TMPRSS11D: variants seen among roughly 807,000 people sequenced by gnomAD.
TMPRSS11D encodes the protein transmembrane serine protease 11D.
A neutral mutation model predicts 44.4 loss-of-function variants in TMPRSS11D; 32 were observed. The ratio of observed to expected loss-of-function variants is 0.72; its 90% CI spans 0.54 to 0.97. The LOEUF is 0.97. Among genes scored for constraint, TMPRSS11D ranks in the 50% least tolerant of loss-of-function variants. TMPRSS11D has a pLI of 0.00. For synonymous variants in TMPRSS11D, 179 were observed against 177.9 expected (o/e 1.01, Z -0.05); for missense variants, 446 against 502.6 (o/e 0.89, Z 1.08).
chr4:67,851,563 C>G lies in TMPRSS11D; in HGVS notation c.249+2505G>C, dbSNP rs571857935. On this transcript the variant is annotated intron_variant, in intron 3 of 9. Transcript: ENST00000283916. The stretch of plus-strand genomic sequence containing the variant: ...GAAGCAGCGTGTCTGGGGAGCATGG[C>G]TGAGGAGCAGTTCGTTAGGGATTGT... Among the ~76,000 whole-genome samples the G allele has an allele frequency of 5.3e-5, 8 of 152,312 alleles. No individual in the cohort carries two copies. In the South Asian group the frequency reaches 1.7e-3, roughly 32 times the overall value.
chr4:67,883,193 T>G (rs1417634410), intron 1 of TMPRSS11D, among the ~76,000 whole-genome samples: 1 of 152,058 alleles, frequency 6.6e-6, no homozygotes, highest in East Asian at 1.9e-4. Flanking sequence ...CTTATCAGTA[T>G]CATGTTTTCC....
At chr4:67,832,726 A>G (rs961067137) in intron 7 of TMPRSS11D, among the ~76,000 whole-genome samples, 1 of 150,560 alleles carries the variant, frequency 6.6e-6, no homozygotes, top group African/African-American at 2.4e-5. Flanking sequence ...GAATGAATAA[A>G]TTAATGGCAT....
chr4:67,859,386 T>C (rs893384410), intron 2 of TMPRSS11D, among the ~76,000 whole-genome samples, 171 bp downstream of exon 2: 2 of 151,984 alleles, frequency 1.3e-5, no homozygotes, highest in African/African-American at 4.8e-5. Context: ...AAAATACTGA[T>C]TCAGTAAAAA....
intron 1 of TMPRSS11D, among the ~76,000 whole-genome samples, chr4:67,881,359 C>A (rs947977104): frequency 6.6e-6 from 1 of 152,152 alleles, no homozygotes; most frequent in South Asian, 2.1e-4. Flanking sequence ...AATATATAAT[C>A]CCAGATGACT....
At chr4:67,874,595 G>C (rs575334155) in intron 1 of TMPRSS11D, among the ~76,000 whole-genome samples, 6 of 152,210 alleles carry the variant, frequency 3.9e-5, no homozygotes, top group Non-Finnish European at 8.8e-5. Flanking sequence ...GTGAGGAGGT[G>C]AGAAGGGAGG....
chr4:67,825,407 CAA>C (rs1164868240), intron 9 of TMPRSS11D, among the ~76,000 whole-genome samples: 1 of 149,334 alleles, frequency 6.7e-6, no homozygotes, highest in African/African-American at 2.5e-5. Flanking sequence ...TCTTAGTACC[CAA>C]AAAGTTAGGT....
intron 4 of TMPRSS11D, among the ~76,000 whole-genome samples, chr4:67,842,046 T>G (rs1451748646): frequency 6.6e-6 from 1 of 152,210 alleles, no homozygotes; most frequent in East Asian, 1.9e-4. Flanking sequence ...GGCAAATAAC[T>G]AGCATGCATG....
chr4:67,848,928 A>C (rs182979344), intron 3 of TMPRSS11D, among the ~76,000 whole-genome samples: 10 of 152,312 alleles, frequency 6.6e-5, no homozygotes, highest in Non-Finnish European at 2.9e-5. Context: ...CAATTTGAGA[A>C]CAATCTGTCT....
At chr4:67,855,938 AT>A (rs533602964) in intron 2 of TMPRSS11D, among the ~76,000 whole-genome samples, 221 of 152,170 alleles carry the variant, frequency 1.5e-3, no homozygotes, top group Middle Eastern at 3.4e-3. Context: ...CAAGAAGGTA[AT>A]TCCATCTTCT....
At chr4:67,827,168 A>C in intron 8 of TMPRSS11D, 93 bp downstream of exon 8, 1 of 1,474,926 alleles carries the variant, frequency 6.8e-7, no homozygotes, top group Non-Finnish European at 9.1e-7. Context: ...GAAGAATAGA[A>C]ACACCTATTC....
chr4:67,882,136 A>G (rs567955078), intron 1 of TMPRSS11D, among the ~76,000 whole-genome samples: 9 of 152,252 alleles, frequency 5.9e-5, no homozygotes, highest in African/African-American at 2.2e-4. Flanking sequence ...ATCTTGCAGC[A>G]GCATGGAAGA....
intron 3 of TMPRSS11D, among the ~76,000 whole-genome samples, chr4:67,851,251 C>A (rs1412705357): frequency 6.6e-6 from 1 of 152,192 alleles, no homozygotes; most frequent in African/African-American, 2.4e-5. Flanking sequence ...GTCACAGATT[C>A]AAGAGAAGTG....
intron 9 of TMPRSS11D, among the ~76,000 whole-genome samples, chr4:67,825,242 T>A (rs888044347): frequency 2.0e-5 from 3 of 151,904 alleles, no homozygotes; most frequent in Non-Finnish European, 4.4e-5. Flanking sequence ...TATAATATAG[T>A]GATTAATTTT....
At chr4:67,855,600 GA>G (rs1718618072) in intron 2 of TMPRSS11D, among the ~76,000 whole-genome samples, 1 of 152,058 alleles carries the variant, frequency 6.6e-6, no homozygotes, top group South Asian at 2.1e-4. Flanking sequence ...ACCAAATGGG[GA>G]AAAGCTGAAA....
intron 5 of TMPRSS11D, among the ~76,000 whole-genome samples, chr4:67,835,946 A>T (rs934236791): frequency 6.6e-6 from 1 of 152,136 alleles, no homozygotes; most frequent in Non-Finnish European, 1.5e-5. Context: ...GTCTATTTCA[A>T]TTTAAGAACA....
chr4:67,870,073 T>A (rs988145708), intron 1 of TMPRSS11D, among the ~76,000 whole-genome samples: 1 of 152,228 alleles, frequency 6.6e-6, no homozygotes. Context: ...ATGCTCAGTT[T>A]CATACGCTTT....
At chr4:67,855,177 C>T (rs954866852) in intron 2 of TMPRSS11D, among the ~76,000 whole-genome samples, 3 of 150,544 alleles carry the variant, frequency 2.0e-5, no homozygotes, top group Admixed American at 1.3e-4. Context: ...ATTGCTTGAA[C>T]CCGGGAGGCA....
chr4:67,833,487 C>T (rs1717997738), intron 6 of TMPRSS11D, 106 bp from the exon 7 acceptor site: 5 of 1,093,302 alleles, frequency 4.6e-6, no homozygotes. Flanking sequence ...CTTATACATT[C>T]TTCCTCAGGA....
chr4:67,835,348 T>G (rs1378538864), intron 5 of TMPRSS11D, among the ~76,000 whole-genome samples: 2 of 152,172 alleles, frequency 1.3e-5, no homozygotes, highest in African/African-American at 4.8e-5. Context: ...CCCAATTTGT[T>G]GTTATGCATA....
Sources: gnomAD v4.1 joint callset for allele counts (sites outside exome capture counted in the v4.1 genomes callset) on GRCh38, gnomAD v4.1.1 for gene constraint, MANE v1.5 for transcripts, NCBI Gene and HGNC (gene_info 2026-07-23, HGNC 2026-07-21) for gene names.